Variants in CFDP1 observed in about 807,000 individuals in gnomAD.
CFDP1 encodes the protein heterochromatin-stabilizing protein CFDP1.
A neutral mutation model predicts 40.1 loss-of-function variants in CFDP1; 31 were observed. The observed-to-expected ratio is 0.77, with a 90% CI of 0.58 to 1.04. CFDP1 has a LOEUF of 1.04. Ranked by LOEUF, CFDP1 falls within the 50% of genes least tolerant of loss-of-function variation. The probability of loss-of-function intolerance (pLI) is 0.00; values close to 1 mark genes in which losing one functional copy is unlikely to be tolerated. For missense variants in CFDP1, 423 were observed against 343.4 expected, an observed-to-expected ratio of 1.23 and a Z score of -1.83; for synonymous variants, 167 against 120.0, an observed-to-expected ratio of 1.39 and a Z score of -2.56.
chr16:75,425,693 T>C (rs1277246336), intron 1 of CFDP1, among the ~76,000 whole-genome samples: 1 of 151,710 alleles, frequency 6.6e-6, no homozygotes, highest in Non-Finnish European at 1.5e-5. Context: ...ACTCATATCT[T>C]ATGCAAAAAT....
rs548866123 is a variant in CFDP1, at chr16:75,380,603, G to T, written c.650+14487C>A. Among the ~76,000 whole-genome samples the T allele has an allele frequency of 3.3e-5, 5 of 152,194 alleles. No homozygotes were observed. The East Asian group carries it at 9.6e-4, about 29-fold the overall frequency. ...CAGCCCAAGGAACAGAGAAGAAAGT[G>T]TATCTAAGCTTTTGGGCTGTAGCGG... On this transcript the variant is annotated intron_variant, in intron 5 of 6. Transcript: ENST00000283882.
intron 5 of CFDP1, chr16:75,306,413 G>C (rs2078257678): frequency 1.3e-5 from 2 of 152,244 alleles, no homozygotes; most frequent in African/African-American, 4.8e-5. Context: ...GAGCCAACAG[G>C]CCAACGTCCA....
intron 1 of CFDP1, among the ~76,000 whole-genome samples, chr16:75,431,802 G>C (rs1000560614): frequency 1.3e-5 from 2 of 152,116 alleles, no homozygotes; most frequent in African/African-American, 2.4e-5. Flanking sequence ...ACTATACATG[G>C]GTTAAATCAA....
chr16:75,418,420 C>T (rs946185863), intron 1 of CFDP1, among the ~76,000 whole-genome samples: 3 of 150,900 alleles, frequency 2.0e-5, no homozygotes, highest in African/African-American at 7.3e-5. Context: ...CATTCTCCTG[C>T]CTCAGCCTCC....
intron 1 of CFDP1, among the ~76,000 whole-genome samples, chr16:75,423,337 T>A (rs1326978640): frequency 2.0e-5 from 3 of 150,210 alleles, no homozygotes; most frequent in Admixed American, 6.6e-5. Flanking sequence ...TAGTCCCAGG[T>A]ACCTGGGAGG....
intron 5 of CFDP1, among the ~76,000 whole-genome samples, chr16:75,336,343 G>C (rs1243736221): frequency 6.6e-6 from 1 of 152,178 alleles, no homozygotes; most frequent in African/African-American, 2.4e-5. Context: ...GCTGCAGCTA[G>C]AGTGCCTGGG....
At chr16:75,381,776 T>C (rs1209952787) in intron 5 of CFDP1, among the ~76,000 whole-genome samples, 1 of 152,016 alleles carries the variant, frequency 6.6e-6, no homozygotes, top group Non-Finnish European at 1.5e-5. Flanking sequence ...CAGCAAGAGA[T>C]ATGGGTCTGG....
At chr16:75,415,670 G>A (rs887913913) in intron 1 of CFDP1, among the ~76,000 whole-genome samples, 2 of 152,178 alleles carry the variant, frequency 1.3e-5, no homozygotes, top group African/African-American at 4.8e-5. Context: ...GTTTGTGAGA[G>A]TCACCCACAT....
Position 75,433,495 on chromosome 16 carries a change from G to C in CFDP1, c.-143C>G. ...CGACAGCGCTTTGCACATGCGCAGA[G>C]AGTACTACGTGGTTGCCCTACGACA... is the stretch of plus-strand genomic sequence containing the variant. On this transcript the variant is annotated 5_prime_UTR_variant, in exon 1 of 7. Transcript: ENST00000283882. The C allele has an allele frequency of 4.2e-6, 3 of 722,074 alleles. No homozygotes were observed. Among genetic ancestry groups the C allele is most frequent in the South Asian group, 3.3e-5 (2 of 60,558 alleles). The allele number at this position is 722,074 out of a possible 1,614,324, so 44.7% of individuals were successfully genotyped here.
intron 5 of CFDP1, among the ~76,000 whole-genome samples, chr16:75,348,824 T>C (rs1414458591): frequency 6.6e-6 from 1 of 152,210 alleles, no homozygotes; most frequent in African/African-American, 2.4e-5. Context: ...GTCAAAGTTA[T>C]TCCTATTCTT....
At chr16:75,414,768 C>G (rs1291248936) in intron 1 of CFDP1, 73 bp from the exon 2 acceptor site, 2 of 911,504 alleles carry the variant, frequency 2.2e-6, no homozygotes, top group Admixed American at 2.0e-5. Context: ...TTCATTAATA[C>G]AAGCTTTCAC....
intron 1 of CFDP1, among the ~76,000 whole-genome samples, chr16:75,418,368 C>T (rs1349004243): frequency 2.1e-5 from 3 of 140,954 alleles, no homozygotes; most frequent in Non-Finnish European, 3.0e-5. Flanking sequence ...TGCAGTGGCA[C>T]GATCTCGGCT....
At chr16:75,414,411 TTTCC>T (rs2079186988) in intron 2 of CFDP1, among the ~76,000 whole-genome samples, 163 bp downstream of exon 2, 3 of 152,202 alleles carry the variant, frequency 2.0e-5, no homozygotes, top group Non-Finnish European at 4.4e-5. Flanking sequence ...TGTTTAAAGC[TTTCC>T]AGAGACCAAG....
chr16:75,305,253 C>T, intron 5 of CFDP1, 71 bp from the exon 6 acceptor site: 1 of 1,484,458 alleles, frequency 6.7e-7, no homozygotes, highest in Non-Finnish European at 9.2e-7. Context: ...TTTTCTGATG[C>T]AAATGGGAAT....
At chr16:75,309,434 A>T (rs773349425) in intron 5 of CFDP1, among the ~76,000 whole-genome samples, 1 of 152,028 alleles carries the variant, frequency 6.6e-6, no homozygotes, top group Non-Finnish European at 1.5e-5. Context: ...CAGGGGACAA[A>T]TCAGCACTGG....
At chr16:75,425,660 GAA>G (rs781180298) in intron 1 of CFDP1, among the ~76,000 whole-genome samples, 3 of 97,754 alleles carry the variant, frequency 3.1e-5, no homozygotes, top group Non-Finnish European at 4.5e-5. Flanking sequence ...AGATGCAAAA[GAA>G]AAAAAAAAAA....
chr16:75,373,427 A>C (rs922392591), intron 5 of CFDP1, among the ~76,000 whole-genome samples: 1 of 152,178 alleles, frequency 6.6e-6, no homozygotes, highest in Non-Finnish European at 1.5e-5. Flanking sequence ...TAACTGGAGG[A>C]GAGGGAAGCT....
intron 4 of CFDP1, among the ~76,000 whole-genome samples, chr16:75,400,468 G>A (rs2079041777): frequency 6.6e-6 from 1 of 152,126 alleles, no homozygotes; most frequent in Non-Finnish European, 1.5e-5. Flanking sequence ...AACCTTTCGA[G>A]GTAGAGGAAA....
intron 6 of CFDP1, among the ~76,000 whole-genome samples, chr16:75,298,005 A>G (rs974052925): frequency 6.6e-6 from 1 of 152,216 alleles, no homozygotes; most frequent in Non-Finnish European, 1.5e-5. Flanking sequence ...ACAAGACACA[A>G]GTGGAAAATT....
Sources: allele counts gnomAD v4.1 joint callset (sites outside exome capture counted in the v4.1 genomes callset), GRCh38; gene constraint gnomAD v4.1.1; transcripts MANE v1.5; gene names NCBI Gene and HGNC (gene_info 2026-07-23, HGNC 2026-07-21).